Variants in DLG1 observed in about 807,000 individuals in gnomAD.
DLG1 encodes disks large homolog 1.
DLG1 carries 42 observed loss-of-function variants against 123.4 expected under a neutral mutation model. The observed-to-expected ratio is 0.34, with a 90% confidence interval of 0.27 to 0.44. The LOEUF is 0.44. Ranked by LOEUF, DLG1 falls within the 20% of genes least tolerant of loss-of-function variation. DLG1 has a pLI of 1.00. For missense variants in DLG1, 942 were observed against 1,082.6 expected, an observed-to-expected ratio of 0.87 and a Z score of 1.82; for synonymous variants, 317 against 356.2, an observed-to-expected ratio of 0.89 and a Z score of 1.24.
rs117248178 is a variant in DLG1, at chr3:197,065,325, T to C, written c.2324A>G (p.Asn775Ser). 192 of 1,612,980 alleles carry C rather than the reference T, an allele frequency of 1.2e-4. 1 individual carries two copies. In the East Asian group the frequency reaches 1.3e-3, roughly 11 times the overall value. The change falls in exon 22 of 25, where the codon AAT becomes AGT. Residue 775 changes from asparagine to serine, a missense_variant. Asn to Ser is a conservative substitution (Grantham distance 46). Coordinates refer to ENST00000667157, the MANE Select transcript of DLG1 (RefSeq NM_001366207.1). ...HKFIEAGQYNNHLYGTSVQSV... is the reference protein window; with the variant it reads ...HKFIEAGQYNSHLYGTSVQSV... ...CTGAACACTTGTTCCATATAGATGA[T>C]TGTTATACTGGCCAGCTTCAATGAA...
intron 5 of DLG1, among the ~76,000 whole-genome samples, chr3:197,158,307 GT>G (rs1481385308): frequency 3.3e-5 from 5 of 151,966 alleles, no homozygotes; most frequent in Admixed American, 1.3e-4. Context: ...TGGAATCCTT[GT>G]GCACTTTGGT....
chr3:197,298,640 A>G (rs767932933), upstream of DLG1: 3 of 393,788 alleles, frequency 7.6e-6, no homozygotes, highest in Admixed American at 8.9e-5. Flanking sequence ...AAGCCGCCTT[A>G]AGGAGGAGCC....
intron 15 of DLG1, among the ~76,000 whole-genome samples, chr3:197,088,813 C>T (rs1560577815): frequency 6.6e-6 from 1 of 152,104 alleles, no homozygotes; most frequent in South Asian, 2.1e-4. Context: ...AAATGCAAGA[C>T]AATTATTAAG....
intron 11 of DLG1, among the ~76,000 whole-genome samples, chr3:197,128,664 G>T (rs1359330757): frequency 1.3e-5 from 2 of 152,196 alleles, no homozygotes; most frequent in South Asian, 2.1e-4. Flanking sequence ...TTTATAAAAT[G>T]TATTTCTTAA....
At chr3:197,135,486 A>T (rs568212223) in intron 10 of DLG1, among the ~76,000 whole-genome samples, 2 of 152,294 alleles carry the variant, frequency 1.3e-5, no homozygotes, top group African/African-American at 4.8e-5. Context: ...CCATGACTGT[A>T]AGTTTCCTGA....
chr3:197,112,663 T>C lies in DLG1; in HGVS notation c.1443+3264A>G, dbSNP rs180935192. 9.4e-4 allele frequency among the ~76,000 whole-genome samples: 143 copies of C among 152,222 alleles called. 1 individual carries two copies. Among genetic ancestry groups the C allele is most frequent in the African/African-American group, 3.1e-3 (129 of 41,532 alleles). On this transcript the variant is annotated intron_variant, in intron 13 of 24. Transcript: ENST00000667157. ...GTGCAGTGGTGGGATCAAAGCTCACTCACTGTAGCTTCAAACACCTAAGCT... is the reference window on the plus strand; with the variant it reads ...GTGCAGTGGTGGGATCAAAGCTCACCCACTGTAGCTTCAAACACCTAAGCT...
rs545796316 is a variant in DLG1 at position 197,107,491 on chromosome 3, A to G, written c.1444-2486T>C. On this transcript the variant is annotated intron_variant, in intron 13 of 24. Transcript: ENST00000667157. The stretch of plus-strand genomic sequence containing the variant: ...AGCTGGGAGGCGGAGCTTGCAGTGA[A>G]CAGAGATTGCGCCACTGCACTCCAG... Among the ~76,000 whole-genome samples, 5 of 152,086 alleles carry G rather than the reference A, an allele frequency of 3.3e-5. No individual in the cohort carries two copies. The South Asian group carries it at 6.2e-4, about 19-fold the overall frequency.
intron 4 of DLG1, among the ~76,000 whole-genome samples, chr3:197,213,983 TAA>T (rs1419614996): frequency 6.6e-6 from 1 of 152,106 alleles, no homozygotes; most frequent in Non-Finnish European, 1.5e-5. Flanking sequence ...TCTCAATAAT[TAA>T]AAGTTTGATA....
intron 4 of DLG1, among the ~76,000 whole-genome samples, chr3:197,200,652 G>A (rs1318770561): frequency 6.6e-6 from 1 of 152,098 alleles, no homozygotes; most frequent in Non-Finnish European, 1.5e-5. Context: ...TTTATCCTGA[G>A]GAGGCAAGGA....
At chr3:197,286,362 T>G (rs1223586526) in intron 3 of DLG1, among the ~76,000 whole-genome samples, 1 of 152,132 alleles carries the variant, frequency 6.6e-6, no homozygotes, top group South Asian at 2.1e-4. Context: ...TGGGGGAGCT[T>G]CTGCAGTGAA....
intron 13 of DLG1, among the ~76,000 whole-genome samples, chr3:197,105,676 C>T (rs991755513): frequency 6.6e-6 from 1 of 152,112 alleles, no homozygotes; most frequent in African/African-American, 2.4e-5. Context: ...ATTCTTATTT[C>T]TCAAAGGTTA....
chr3:197,294,447 C>T (rs898408745), intron 3 of DLG1, among the ~76,000 whole-genome samples: 3 of 152,020 alleles, frequency 2.0e-5, no homozygotes, highest in Non-Finnish European at 2.9e-5. Flanking sequence ...GAGATCGAGA[C>T]CATCCTGGCT....
intron 4 of DLG1, among the ~76,000 whole-genome samples, chr3:197,256,289 T>C (rs1338590283): frequency 1.3e-5 from 2 of 152,400 alleles, no homozygotes; most frequent in South Asian, 2.1e-4. Flanking sequence ...TCTGCCACTG[T>C]AGCACTAAAG....
intron 14 of DLG1, among the ~76,000 whole-genome samples, chr3:197,104,569 T>C (rs1398761689): frequency 6.6e-6 from 1 of 151,766 alleles, no homozygotes; most frequent in Non-Finnish European, 1.5e-5. Flanking sequence ...GTAATCCCAG[T>C]TACTTGGGAG....
intron 5 of DLG1, among the ~76,000 whole-genome samples, chr3:197,165,481 T>C (rs1800952698): frequency 6.6e-6 from 1 of 152,208 alleles, no homozygotes; most frequent in African/African-American, 2.4e-5. Flanking sequence ...TGCCACTGAA[T>C]TGTACATTAA....
chr3:197,270,539 A>T (rs1421522910), intron 4 of DLG1, among the ~76,000 whole-genome samples: 1 of 152,206 alleles, frequency 6.6e-6, no homozygotes, highest in South Asian at 2.1e-4. Flanking sequence ...ATGCCAACTA[A>T]TAACTACAAA....
At chr3:197,056,586 G>A (rs746825937) in intron 23 of DLG1, among the ~76,000 whole-genome samples, 1 of 152,140 alleles carries the variant, frequency 6.6e-6, no homozygotes, top group African/African-American at 2.4e-5. Flanking sequence ...TTTTTATGAC[G>A]GGTTCAAGTC....
intron 5 of DLG1, among the ~76,000 whole-genome samples, chr3:197,167,755 G>C (rs1446430136): frequency 6.6e-6 from 1 of 152,196 alleles, no homozygotes; most frequent in Admixed American, 6.5e-5. Flanking sequence ...TGATGAGTTT[G>C]CACATAGGCA....
At chr3:197,298,251 G>GGAGGC in intron 1 of DLG1, 1 of 355,442 alleles carries the variant, frequency 2.8e-6, no homozygotes, top group Non-Finnish European at 5.0e-6. Context: ...GTTGGAAGGG[G>GGAGGC]GAGGCGGGTC....
Sources: gnomAD v4.1 joint callset for allele counts (sites outside exome capture counted in the v4.1 genomes callset) on GRCh38, gnomAD v4.1.1 for gene constraint, MANE v1.5 for transcripts, NCBI Gene and HGNC (gene_info 2026-07-23, HGNC 2026-07-21) for gene names.